VSIG4: variants seen among roughly 807,000 people sequenced by gnomAD.
VSIG4 encodes V-set and immunoglobulin domain-containing protein 4.
In VSIG4, 34 loss-of-function variants were observed where a neutral mutation model predicts 23.4. That is an observed-to-expected ratio of 1.45 (90% confidence interval 1.10 to 1.93). VSIG4 has a LOEUF of 1.93. Ranked by LOEUF, VSIG4 falls within the 30% of genes most tolerant of loss-of-function variation. VSIG4 has a pLI of 0.00. For synonymous variants in VSIG4, 169 were observed against 120.3 expected, an observed-to-expected ratio of 1.41 and a Z score of -2.65; for missense variants, 433 against 310.8, an observed-to-expected ratio of 1.39 and a Z score of -2.96.
intron 4 of VSIG4, 37 bp from the exon 5 acceptor site, chrX:66,027,563 T>C: frequency 9.1e-7 from 1 of 1,094,014 alleles, no homozygotes; most frequent in African/African-American, 1.8e-5. Flanking sequence ...GATGTCTCTC[T>C]TCTTTCAAAA....
At position 66,022,588 on chromosome X, in the gene VSIG4, A is replaced by G; in HGVS notation, c.963-88T>C. On this transcript the variant is annotated intron_variant, in intron 7 of 7. Coordinates refer to ENST00000374737, the MANE Select transcript of VSIG4 (RefSeq NM_007268.3). ...CCTTCTGCCTCAATTCTTGCCAATT[A>G]ATTATCAGGATCCTACCACCCAGGG... is the stretch of plus-strand genomic sequence containing the variant. 3 of 1,161,615 alleles carry G rather than the reference A, an allele frequency of 2.6e-6. No individual in the cohort carries two copies. In the South Asian group the frequency reaches 6.1e-5, roughly 24 times the overall value.
intron 1 of VSIG4, among the ~76,000 whole-genome samples, chrX:66,038,301 A>G (rs963982207): frequency 3.6e-5 from 4 of 110,715 alleles, no homozygotes; most frequent in Non-Finnish European, 7.6e-5. Flanking sequence ...TCCTCACTGT[A>G]CAGATGGGCT....
chrX:66,023,057 G>C (rs964619304), intron 6 of VSIG4, among the ~76,000 whole-genome samples, 195 bp from the exon 7 acceptor site: 1 of 111,194 alleles, frequency 9.0e-6, no homozygotes, highest in Non-Finnish European at 1.9e-5. Context: ...TCAGGTAAAA[G>C]AAGGGGAAGC....
At chrX:66,031,535 G>C (rs1045406518) in intron 3 of VSIG4, among the ~76,000 whole-genome samples, 1 of 110,314 alleles carries the variant, frequency 9.1e-6, no homozygotes, top group African/African-American at 3.3e-5. Flanking sequence ...CTAGGTTTAC[G>C]CCCTCTCCTT....
At position 66,028,916 on chromosome X, in the gene VSIG4, G is replaced by A. The variant is rs535535707; in HGVS notation, c.695-804C>T. On this transcript the variant is annotated intron_variant, in intron 3 of 7. Coordinates refer to ENST00000374737, the MANE Select transcript of VSIG4 (RefSeq NM_007268.3). Reference sequence around the variant, plus strand: ...TAGCATTTGTCACACAGCTGCCTGAGGCAATGGATAATAGGCGAGAAAACA... The same window carrying A: ...TAGCATTTGTCACACAGCTGCCTGAAGCAATGGATAATAGGCGAGAAAACA... Among the ~76,000 whole-genome samples, 7 of 111,414 alleles carry A rather than the reference G, an allele frequency of 6.3e-5. No individual in the cohort carries two copies. In the South Asian group the frequency reaches 2.6e-3, roughly 42 times the overall value.
At chrX:66,039,096 A>T (rs780321478) in intron 1 of VSIG4, among the ~76,000 whole-genome samples, 1 of 112,001 alleles carries the variant, frequency 8.9e-6, no homozygotes, top group South Asian at 3.7e-4. Context: ...TGGGATTTGT[A>T]TCCAGCCCAT....
Position 66,022,172 on chromosome X carries a change from C to T in VSIG4, c.*91G>A. ...TGGTAGGCGGACACTTTGGGCTATCCAGGAAGAGAGGTAGCAGGGAAGAAG... is the reference window on the plus strand; with the variant it reads ...TGGTAGGCGGACACTTTGGGCTATCTAGGAAGAGAGGTAGCAGGGAAGAAG... On this transcript the variant is annotated 3_prime_UTR_variant, in exon 8 of 8. Coordinates refer to ENST00000374737, the MANE Select transcript of VSIG4 (RefSeq NM_007268.3). 2 of 1,207,866 alleles carry T rather than the reference C, an allele frequency of 1.7e-6. No individual in the cohort carries two copies. The highest frequency in any genetic ancestry group is 3.5e-5 in the South Asian group (2 of 56,382).
At chrX:66,022,643 A>C in intron 7 of VSIG4, 143 bp from the exon 8 acceptor site, 1 of 1,127,019 alleles carries the variant, frequency 8.9e-7, no homozygotes, top group Non-Finnish European at 1.2e-6. Flanking sequence ...GATGGATCTA[A>C]ATTATCCTTT....
At chrX:66,036,234 C>A (rs2085538078) in intron 1 of VSIG4, among the ~76,000 whole-genome samples, 1 of 109,306 alleles carries the variant, frequency 9.1e-6, no homozygotes, top group African/African-American at 3.3e-5. Context: ...TTCTTATCTC[C>A]TCTTCCTCCT....
chrX:66,034,930 G>C (rs1053806554), intron 1 of VSIG4, among the ~76,000 whole-genome samples: 4 of 110,987 alleles, frequency 3.6e-5, no homozygotes, highest in African/African-American at 1.3e-4. Flanking sequence ...TCTCTCCTAA[G>C]AGAGGTGGTT....
At chrX:66,034,441 C>A (rs940220402) in intron 1 of VSIG4, among the ~76,000 whole-genome samples, 60 of 111,855 alleles carry the variant, frequency 5.4e-4, no homozygotes, top group Admixed American at 1.9e-4. Flanking sequence ...AAAGGAAATA[C>A]TGAGGGTGGA....
chrX:66,039,043 G>C (rs2085653364), intron 1 of VSIG4, among the ~76,000 whole-genome samples: 1 of 107,744 alleles, frequency 9.3e-6, no homozygotes, highest in Admixed American at 9.9e-5. Flanking sequence ...AGCTTCCCAA[G>C]CTCCAAGGAA....
chrX:66,036,731 AT>A (rs1236496795), intron 1 of VSIG4, among the ~76,000 whole-genome samples: 1 of 49,976 alleles, frequency 2.0e-5, no homozygotes, highest in African/African-American at 8.6e-5. Flanking sequence ...ATATTATATA[AT>A]TATAATATAT....
chrX:66,033,460 C>G lies in VSIG4; in HGVS notation c.412+14G>C. 2 of 1,175,636 alleles carry G rather than the reference C, an allele frequency of 1.7e-6. No homozygotes were observed. Among genetic ancestry groups the G allele is most frequent in the Non-Finnish European group, 2.3e-6 (2 of 868,957 alleles). On this transcript the variant is annotated intron_variant, in intron 2 of 7. Coordinates refer to ENST00000374737, the MANE Select transcript of VSIG4 (RefSeq NM_007268.3). ...ATTGATTATCAGTGCTTTCCTACCCCCATAGTGACTCACGTTTCTGGACAC... is the reference window on the plus strand; with the variant it reads ...ATTGATTATCAGTGCTTTCCTACCCGCATAGTGACTCACGTTTCTGGACAC...
intron 6 of VSIG4, among the ~76,000 whole-genome samples, chrX:66,024,313 C>T (rs2085365380): frequency 8.9e-6 from 1 of 112,043 alleles, no homozygotes; most frequent in Admixed American, 9.4e-5. Flanking sequence ...AAATTTAGTG[C>T]CCTTGCAAGG....
At chrX:66,033,392 T>C in intron 2 of VSIG4, 82 bp downstream of exon 2, 3 of 940,886 alleles carry the variant, frequency 3.2e-6, no homozygotes, top group East Asian at 6.2e-5. Context: ...CGAAGGCCTC[T>C]GGATTTTTCA....
chrX:66,028,222 C>T (rs986591961), intron 3 of VSIG4, 110 bp from the exon 4 acceptor site: 5 of 611,830 alleles, frequency 8.2e-6, no homozygotes, highest in African/African-American at 2.2e-5. Flanking sequence ...ATACTTGGAC[C>T]TGCCTCAACA....
In VSIG4 at chrX:66,030,003, G is replaced by T. The variant is rs1316931206; in HGVS notation, c.695-1891C>A. Among the ~76,000 whole-genome samples the T allele has an allele frequency of 2.7e-5, 3 of 111,758 alleles. No homozygotes were observed. In the Admixed American group the frequency reaches 2.9e-4, roughly 11 times the overall value. On this transcript the variant is annotated intron_variant, in intron 3 of 7. Coordinates refer to ENST00000374737, the MANE Select transcript of VSIG4 (RefSeq NM_007268.3). ...TAGAAATACATGCAGAGATGAATAA[G>T]AATTGAGTCTTTGAGAACATTTACA...
intron 1 of VSIG4, among the ~76,000 whole-genome samples, chrX:66,034,627 G>T (rs2085513131): frequency 9.0e-6 from 1 of 110,739 alleles, no homozygotes; most frequent in Non-Finnish European, 1.9e-5. Context: ...TTCATCTTGA[G>T]GGGGAAAAGA....
Sources: allele counts gnomAD v4.1 joint callset (sites outside exome capture counted in the v4.1 genomes callset), GRCh38; gene constraint gnomAD v4.1.1; transcripts MANE v1.5; gene names NCBI Gene and HGNC (gene_info 2026-07-23, HGNC 2026-07-21).